ENOX1: variants seen among roughly 807,000 people sequenced by gnomAD.
The protein encoded by ENOX1 is candidate growth-related and time keeping constitutive hydroquinone (NADH) oxidase.
In ENOX1, 42 loss-of-function variants were observed where a neutral mutation model predicts 82.5. That is an observed-to-expected ratio of 0.51 (90% CI 0.40 to 0.66). ENOX1 has a LOEUF of 0.66. Among genes scored for constraint, ENOX1 ranks in the 30% least tolerant of loss-of-function variants. ENOX1 has a pLI of 0.00. For missense variants in ENOX1, 608 were observed against 811.6 expected, an observed-to-expected ratio of 0.75 and a Z score of 3.05; for synonymous variants, 271 against 282.2, an observed-to-expected ratio of 0.96 and a Z score of 0.40.
intron 11 of ENOX1, among the ~76,000 whole-genome samples, chr13:43,313,451 G>C (rs989386010): frequency 2.0e-5 from 3 of 152,148 alleles, no homozygotes; most frequent in African/African-American, 7.2e-5. Flanking sequence ...TTTCCAGAAT[G>C]ACTGAAAATG....
chr13:43,402,795 T>G (rs552592234), intron 5 of ENOX1, among the ~76,000 whole-genome samples: 288 of 152,244 alleles, frequency 1.9e-3, no homozygotes, highest in African/African-American at 6.6e-3. Flanking sequence ...CACACTTATA[T>G]CAGTATAGAA....
chr13:43,511,733 T>C (rs564693552), intron 2 of ENOX1, among the ~76,000 whole-genome samples: 2 of 152,182 alleles, frequency 1.3e-5, no homozygotes, highest in Non-Finnish European at 1.5e-5. Flanking sequence ...TGGGAAATGT[T>C]AGACCATTGG....
At chr13:43,541,182 T>TTTTTTTTTTTTTTG (rs2078704703) in intron 2 of ENOX1, among the ~76,000 whole-genome samples, 1 of 131,516 alleles carries the variant, frequency 7.6e-6, no homozygotes, top group African/African-American at 2.8e-5. Context: ...TGTTTTTTTT[T>TTTTTTTTTTTTTTG]TTTTTTTTTT....
At chr13:43,751,055 T>C (rs1950282941) in intron 1 of ENOX1, among the ~76,000 whole-genome samples, 1 of 152,166 alleles carries the variant, frequency 6.6e-6, no homozygotes, top group Non-Finnish European at 1.5e-5. Context: ...CCTACCTCTC[T>C]AGCTTCATTT....
At chr13:43,508,862 G>A (rs991620276) in intron 2 of ENOX1, among the ~76,000 whole-genome samples, 1 of 151,868 alleles carries the variant, frequency 6.6e-6, no homozygotes, top group African/African-American at 2.4e-5. Context: ...CTAGAGGTGG[G>A]ATCCAGGACT....
chr13:43,703,025 C>T lies in ENOX1; in HGVS notation c.-284-35481G>A, dbSNP rs187070992. 4.6e-3 allele frequency among the ~76,000 whole-genome samples: 647 copies of T among 141,940 alleles called. 9 individuals carry two copies. The highest frequency in any genetic ancestry group is 0.015 in the African/African-American group (590 of 38,572). The allele number at this position is 141,940 out of a possible 152,430, so 93.1% of individuals were successfully genotyped here. ...TTGCCCCTTCTGTCAAGAGAGGACACACAGAAGGCACCATCTATGAAAAAC... is the reference window on the plus strand; with the variant it reads ...TTGCCCCTTCTGTCAAGAGAGGACATACAGAAGGCACCATCTATGAAAAAC... On this transcript the variant is annotated intron_variant, in intron 1 of 16. Coordinates refer to ENST00000690772, the MANE Select transcript of ENOX1 (RefSeq NM_001347969.2).
chr13:43,452,668 G>C (rs890291434), intron 3 of ENOX1, among the ~76,000 whole-genome samples: 1 of 151,998 alleles, frequency 6.6e-6, no homozygotes, highest in African/African-American at 2.4e-5. Flanking sequence ...GATTACAGGT[G>C]CCCGCCACCA....
At chr13:43,258,489 T>C (rs1345751642) in intron 14 of ENOX1, among the ~76,000 whole-genome samples, 2 of 152,072 alleles carry the variant, frequency 1.3e-5, no homozygotes, top group African/African-American at 4.8e-5. Context: ...AGAAAAGCAA[T>C]AATGTTACAG....
At chr13:43,746,668 G>T (rs1404305864) in intron 1 of ENOX1, among the ~76,000 whole-genome samples, 1 of 151,738 alleles carries the variant, frequency 6.6e-6, no homozygotes, top group Non-Finnish European at 1.5e-5. Context: ...GGGAATTTTT[G>T]AAAGAGAGAA....
intron 11 of ENOX1, among the ~76,000 whole-genome samples, chr13:43,306,415 TA>T (rs956514266): frequency 3.5e-4 from 53 of 152,216 alleles, no homozygotes; most frequent in African/African-American, 5.5e-4. Flanking sequence ...TAGGGCCATT[TA>T]AAAAAAATCT....
Position 43,326,453 on chromosome 13 carries a change from C to A in ENOX1, c.1109G>T (p.Arg370Leu), listed in dbSNP as rs746354728. The change falls in exon 10 of 17, where the codon CGC becomes CTC. Residue 370 changes from arginine (R) to leucine (L), a missense_variant. Transcript: ENST00000690772. ...KAWDHFSKAQ[R>L]KNIDIWRKHS... ...CTTTCGCCAAATGTCTATGTTCTTG[C>A]GCTGGGCTTTCGAGAAATGGTCCCA... is the stretch of plus-strand genomic sequence containing the variant. 6.2e-7 allele frequency: 1 copy of A among 1,614,134 alleles called. No individual in the cohort carries two copies. The highest frequency in any genetic ancestry group is 8.5e-7 in the Non-Finnish European group (1 of 1,179,974).
At chr13:43,263,517 T>C (rs2044198661) in intron 14 of ENOX1, among the ~76,000 whole-genome samples, 1 of 152,248 alleles carries the variant, frequency 6.6e-6, no homozygotes, top group Non-Finnish European at 1.5e-5. Flanking sequence ...TTCCATTGAA[T>C]AATAAGTGAC....
chr13:43,593,665 T>C (rs9567226), intron 2 of ENOX1, among the ~76,000 whole-genome samples: 90,248 of 92,110 alleles, frequency 0.98, 44,257 homozygotes, highest in Non-Finnish European at 1. Context: ...CCACCCAATC[T>C]CTGTACACAC....
At chr13:43,256,715 A>C (rs534755744) in intron 14 of ENOX1, among the ~76,000 whole-genome samples, 1 of 152,334 alleles carries the variant, frequency 6.6e-6, no homozygotes, top group East Asian at 1.9e-4. Context: ...GTTAGTGGGA[A>C]TGCAAATTAC....
intron 14 of ENOX1, among the ~76,000 whole-genome samples, chr13:43,257,060 G>A (rs9594918): frequency 0.18 from 26,625 of 152,116 alleles, 2,422 homozygotes; most frequent in Non-Finnish European, 0.21. Flanking sequence ...CCAGACATAG[G>A]AAGTTAGACA....
chr13:43,690,925 A>G (rs566815092), intron 1 of ENOX1, among the ~76,000 whole-genome samples: 3 of 152,330 alleles, frequency 2.0e-5, no homozygotes, highest in African/African-American at 7.2e-5. Flanking sequence ...GAGTTCGCCA[A>G]CACCATGTGT....
intron 2 of ENOX1, among the ~76,000 whole-genome samples, chr13:43,491,302 T>C (rs1038300759): frequency 1.3e-5 from 2 of 152,134 alleles, no homozygotes; most frequent in Non-Finnish European, 2.9e-5. Flanking sequence ...CATCACCTCC[T>C]ACCAGGCCCC....
At chr13:43,439,163 C>T (rs188152038) in intron 3 of ENOX1, among the ~76,000 whole-genome samples, 10 of 151,304 alleles carry the variant, frequency 6.6e-5, no homozygotes, top group African/African-American at 2.4e-4. Flanking sequence ...AATTCTCCTG[C>T]CTCAGCCTCC....
chr13:43,607,691 C>G lies in ENOX1; in HGVS notation c.-219+59788G>C, dbSNP rs2082035057. On this transcript the variant is annotated intron_variant, in intron 2 of 16. Coordinates refer to ENST00000690772, the MANE Select transcript of ENOX1 (RefSeq NM_001347969.2). ...AGATAAGTATAAAAACTGAAGCTCA[C>G]AGAGGTTACTGCTCACCAATTAGGG... Among the ~76,000 whole-genome samples, 7 of 152,262 alleles carry G rather than the reference C, an allele frequency of 4.6e-5. No individual in the cohort carries two copies. The South Asian group carries it at 1.4e-3, about 32-fold the overall frequency.
Sources: allele counts gnomAD v4.1 joint callset (sites outside exome capture counted in the v4.1 genomes callset), GRCh38; gene constraint gnomAD v4.1.1; transcripts MANE v1.5; gene names NCBI Gene and HGNC (gene_info 2026-07-23, HGNC 2026-07-21).